The following ABCA8 variants were observed in gnomAD, a reference collection of about 807,000 sequenced individuals.
ABCA8 encodes ABC-type organic anion transporter ABCA8.
In ABCA8, 177 loss-of-function variants were observed where a neutral mutation model predicts 192.3. That is an observed-to-expected ratio of 0.92 (90% CI 0.81 to 1.04). The LOEUF (loss-of-function observed/expected upper bound fraction) is 1.04. Among genes scored for constraint, ABCA8 ranks in the 50% least tolerant of loss-of-function variants. ABCA8 has a pLI of 0.00. For synonymous variants in ABCA8, 642 were observed against 690.2 expected (o/e 0.93, Z 1.09); for missense variants, 1,915 against 1,904.8 (o/e 1.01, Z -0.10).
intron 23 of ABCA8, among the ~76,000 whole-genome samples, chr17:68,893,564 AT>A (rs1255494595): frequency 6.6e-6 from 1 of 151,826 alleles, no homozygotes; most frequent in Admixed American, 6.6e-5. Flanking sequence ...CCCTTCCTTC[AT>A]TTGTTCCTTC....
intron 5 of ABCA8, among the ~76,000 whole-genome samples, chr17:68,934,255 C>T (rs1170187376): frequency 6.6e-6 from 1 of 151,918 alleles, no homozygotes; most frequent in African/African-American, 2.4e-5. Flanking sequence ...TATCCATTCT[C>T]CTGTTGATAA....
rs756538008 is a variant in ABCA8, at chr17:68,882,763, C to T, written c.3708-44G>A. The T allele has an allele frequency of 3.2e-6, 5 of 1,582,762 alleles. No individual in the cohort carries two copies. In the East Asian group the frequency reaches 9.0e-5, roughly 28 times the overall value. On this transcript the variant is annotated intron_variant, in intron 29 of 39. Coordinates refer to ENST00000586539, the MANE Select transcript of ABCA8 (RefSeq NM_001288985.2). ...ATTAATATTGATTTCTGGCTTTCATCTTTGTATCAAAAGTTGCATTATTTA... is the reference window on the plus strand; with the variant it reads ...ATTAATATTGATTTCTGGCTTTCATTTTTGTATCAAAAGTTGCATTATTTA...
intron 1 of ABCA8, among the ~76,000 whole-genome samples, chr17:68,953,917 A>G (rs1325735653): frequency 6.6e-6 from 1 of 152,158 alleles, no homozygotes; most frequent in Non-Finnish European, 1.5e-5. Context: ...AAGCAATTTT[A>G]GGTAAAATCC....
In ABCA8 at chr17:68,922,190, CTCTCTTTTTTT is replaced by C. The variant is rs2067551432; in HGVS notation, c.1501+41_1501+51del. 17 of 639,728 alleles carry C rather than the reference CTCTCTTTTTTT, an allele frequency of 2.7e-5. 1 individual carries two copies. The East Asian group carries it at 3.4e-4, about 13-fold the overall frequency. The allele number at this position is 639,728 out of a possible 1,614,324, so 39.6% of individuals were successfully genotyped here. A position where few individuals can be genotyped will look rare whatever the true frequency, so the allele number is the denominator to read the frequency against. On this transcript the variant is annotated intron_variant, in intron 12 of 39. Coordinates refer to ENST00000586539, the MANE Select transcript of ABCA8 (RefSeq NM_001288985.2). ...AATATAACAAATATTTTCTTTCTCT[CTCTCTTTTTTT>C]TTTTTTTTTTTTTTTTTTTTTTTTT...
chr17:68,894,804 A>C, intron 22 of ABCA8, 76 bp downstream of exon 22: 1 of 1,451,218 alleles, frequency 6.9e-7, no homozygotes, highest in Non-Finnish European at 9.3e-7. Context: ...TTTATTTCTT[A>C]AGTTGGAAGC....
intron 7 of ABCA8, 192 bp downstream of exon 7, chr17:68,932,096 G>C (rs1243847275): frequency 2.3e-6 from 1 of 442,272 alleles, no homozygotes; most frequent in African/African-American, 2.0e-5. Context: ...TGCAGTCCCA[G>C]CTACTTGGGA....
intron 8 of ABCA8, 135 bp from the exon 9 acceptor site, chr17:68,929,369 A>G: frequency 9.5e-7 from 1 of 1,050,358 alleles, no homozygotes; most frequent in Non-Finnish European, 1.3e-6. Context: ...TATAACATAC[A>G]AAACTATGCT....
intron 1 of ABCA8, among the ~76,000 whole-genome samples, chr17:68,954,358 G>A (rs4147947): frequency 0.36 from 55,249 of 151,750 alleles, 11,196 homozygotes; most frequent in East Asian, 0.68. Context: ...ACAGTCTTAG[G>A]TAGCATGCAA....
intron 17 of ABCA8, among the ~76,000 whole-genome samples, chr17:68,910,175 C>G (rs1334798510): frequency 2.0e-5 from 3 of 152,106 alleles, no homozygotes; most frequent in Non-Finnish European, 4.4e-5. Flanking sequence ...ACAAAAAAAT[C>G]AGGTGAGCAA....
At chr17:68,924,655 T>C in intron 11 of ABCA8, 46 bp downstream of exon 11, 1 of 1,585,112 alleles carries the variant, frequency 6.3e-7, no homozygotes. Flanking sequence ...TGCTATCTCT[T>C]AGCTTCCTGC....
At chr17:68,887,913 T>TATCC (rs1555607415) in intron 24 of ABCA8, among the ~76,000 whole-genome samples, 1 of 60,358 alleles carries the variant, frequency 1.7e-5, no homozygotes, top group African/African-American at 8.1e-5. Context: ...TATATCCATA[T>TATCC]ATATATATAT....
At chr17:68,926,649 A>G (rs1311605420) in intron 10 of ABCA8, among the ~76,000 whole-genome samples, 1 of 152,228 alleles carries the variant, frequency 6.6e-6, no homozygotes, top group Non-Finnish European at 1.5e-5. Flanking sequence ...ACCATATTCA[A>G]ACAATTCTAA....
rs540896530 is a variant in ABCA8 at position 68,906,047 on chromosome 17, A to G, written c.2395T>C (p.Ser799Pro). The stretch of plus-strand genomic sequence containing the variant: ...AATTTTCATGCATTTTATTTACCCG[A>G]TTCATTAATTGTAGATTTTCCTTCT... ...KLEGKSTINE[S>P]DIAILGEVQA... The change falls in exon 19 of 40, where the codon TCG becomes CCG. Residue 799 changes from serine to proline, a missense_variant. Ser to Pro is a moderately conservative substitution (Grantham distance 74, BLOSUM62 -1). Transcript: ENST00000586539. 1.3e-5 allele frequency: 20 copies of G among 1,584,490 alleles called. No homozygotes were observed. The highest frequency in any genetic ancestry group is 1.1e-4 in the African/African-American group (8 of 73,826).
At chr17:68,883,625 T>A (rs182219350) in intron 29 of ABCA8, among the ~76,000 whole-genome samples, 166 bp downstream of exon 29, 1 of 152,224 alleles carries the variant, frequency 6.6e-6, no homozygotes. Flanking sequence ...GATCATAATC[T>A]TCTTGGGTTT....
intron 17 of ABCA8, among the ~76,000 whole-genome samples, chr17:68,916,314 CTA>C (rs2067361518): frequency 6.6e-6 from 1 of 151,624 alleles, no homozygotes; most frequent in Admixed American, 6.6e-5. Flanking sequence ...ACTATACAGA[CTA>C]TATTAATATT....
chr17:68,948,243 T>G (rs1401873031), intron 2 of ABCA8, among the ~76,000 whole-genome samples: 5 of 152,196 alleles, frequency 3.3e-5, no homozygotes, highest in African/African-American at 1.2e-4. Context: ...ATGATTTATA[T>G]TCCTTTGGGT....
Position 68,884,397 on chromosome 17 carries a change from C to A in ABCA8, c.3550-1G>T. 1 of 1,584,592 alleles carries A rather than the reference C, an allele frequency of 6.3e-7. No individual in the cohort carries two copies. The highest frequency in any genetic ancestry group is 1.2e-5 in the South Asian group (1 of 84,590). On this transcript the variant is annotated splice_acceptor_variant, in intron 27 of 39. Transcript: ENST00000586539. LOFTEE classifies it high-confidence loss of function. ...CAGAAAAGAGAGAAGAAAAGAGAAGCTGCAAAAGAAAAGACAATTGCTAAA... is the reference window on the plus strand; with the variant it reads ...CAGAAAAGAGAGAAGAAAAGAGAAGATGCAAAAGAAAAGACAATTGCTAAA...
rs1287542219 is a variant in ABCA8 at position 68,940,742 on chromosome 17, T to C, written c.301+16A>G. 1 of 1,598,974 alleles carries C rather than the reference T, an allele frequency of 6.3e-7. No individual in the cohort carries two copies. The highest frequency in any genetic ancestry group is 8.6e-7 in the Non-Finnish European group (1 of 1,166,816). ...ATTCACACCAGACATTCTTCTTAAG[T>C]AACTAGAAAACTTACCTGCCAGGAA... On this transcript the variant is annotated intron_variant, in intron 4 of 39. Coordinates refer to ENST00000586539, the MANE Select transcript of ABCA8 (RefSeq NM_001288985.2).
At position 68,883,842 on chromosome 17, in the gene ABCA8, C is replaced by A; in HGVS notation, c.3656G>T (p.Cys1219Phe). ...HFIIFLFTLRCLEWKFGKKSM... is the reference protein window; with the variant it reads ...HFIIFLFTLRFLEWKFGKKSM... ...TTTCTTTCCAAACTTCCATTCCAGA[C>A]ATCGAAGAGTAAAAAGAAAAATGAT... Residue 1219 changes from cysteine to phenylalanine, a missense_variant, in exon 29 of 40, where the codon TGT becomes TTT. Transcript: ENST00000586539. 6.3e-7 allele frequency: 1 copy of A among 1,598,696 alleles called. No individual in the cohort carries two copies. The highest frequency in any genetic ancestry group is 8.5e-7 in the Non-Finnish European group (1 of 1,174,228).
Sources: allele counts gnomAD v4.1 joint callset (sites outside exome capture counted in the v4.1 genomes callset), GRCh38; gene constraint gnomAD v4.1.1; transcripts MANE v1.5; gene names NCBI Gene and HGNC (gene_info 2026-07-23, HGNC 2026-07-21).